Variants in CSMD2 observed in about 807,000 individuals in gnomAD.
The protein encoded by CSMD2 is CUB and Sushi multiple domains 2.
A neutral mutation model predicts 398.5 loss-of-function variants in CSMD2; 130 were observed. That is an observed-to-expected ratio of 0.33 (90% CI 0.28 to 0.38). The LOEUF (loss-of-function observed/expected upper bound fraction) is 0.38. CSMD2 is among the 10% of genes least tolerant of loss of function. The pLI is 1.00. For missense variants in CSMD2, 3,829 were observed against 4,764.9 expected (o/e 0.80, Z 5.78); for synonymous variants, 1,828 against 1,908.5 (o/e 0.96, Z 1.10).
rs151250469 is a variant in CSMD2 at position 33,537,562 on chromosome 1, C to T, written c.9679G>A (p.Asp3227Asn). Residue 3227 changes from aspartate to asparagine, a missense_variant, in exon 61 of 71, where the codon GAC (aspartate) becomes AAC (asparagine). Transcript: ENST00000373381. This position sits in a 1 kb window ranked among gnomAD's most constrained non-coding sequence, Gnocchi z 4.6. ...GATGACCTGTAGGAGAAGCCTCGGT[C>T]CTCTCTCCTCCCACGGGACGGGACA... ...PGVPSRGRRE[D>N]RGFSYRSSVS... is the part of the protein sequence containing the mutation. 7.9e-5 allele frequency: 127 copies of T among 1,614,038 alleles called. No homozygotes were observed. The highest frequency in any genetic ancestry group is 1.0e-4 in the Non-Finnish European group (119 of 1,180,024).
intron 4 of CSMD2, among the ~76,000 whole-genome samples, chr1:33,918,938 C>T (rs1455572710): frequency 6.6e-6 from 1 of 152,266 alleles, no homozygotes; most frequent in East Asian, 1.9e-4. Context: ...TGGGTAGATG[C>T]TAATGCTAGA....
rs762781307 is a variant in CSMD2 at position 33,724,525 on chromosome 1, T to C, written c.2875A>G (p.Ser959Gly). The C allele has an allele frequency of 1.2e-6, 2 of 1,613,774 alleles. No individual in the cohort carries two copies. Among genetic ancestry groups the C allele is most frequent in the Non-Finnish European group, 8.5e-7 (1 of 1,179,808 alleles). Reference protein sequence around the residue: ...PNFQWSRALPSCEALCGGFIQ... With the variant: ...PNFQWSRALPGCEALCGGFIQ... Reference sequence around the variant, plus strand: ...TCATGGTGTCCCTCACCTTCACAACTGGGCAGGGCCCGGCTCCACTGGAAG... The same window carrying C: ...TCATGGTGTCCCTCACCTTCACAACCGGGCAGGGCCCGGCTCCACTGGAAG... Residue 959 changes from serine to glycine, a missense_variant, in exon 18 of 71, where the codon AGT (serine) becomes GGT (glycine). Transcript: ENST00000373381.
chr1:34,156,795 C>T (rs1396446266), intron 1 of CSMD2, among the ~76,000 whole-genome samples: 1 of 152,064 alleles, frequency 6.6e-6, no homozygotes, highest in East Asian at 1.9e-4. Context: ...ATAAAAGTTC[C>T]TTATAATAAT....
chr1:33,873,050 TG>T (rs143277067), intron 5 of CSMD2, among the ~76,000 whole-genome samples: 3,458 of 152,258 alleles, frequency 0.023, 146 homozygotes, highest in African/African-American at 0.079. Context: ...GTTGGGCATA[TG>T]GGGGGCAGAT....
intron 29 of CSMD2, among the ~76,000 whole-genome samples, chr1:33,641,613 C>G (rs2148932123): frequency 6.6e-6 from 1 of 152,340 alleles, no homozygotes; most frequent in East Asian, 1.9e-4. Context: ...TAGAAATCCA[C>G]AGATGACATG....
intron 29 of CSMD2, among the ~76,000 whole-genome samples, chr1:33,644,612 A>G (rs534402010): frequency 1.3e-5 from 2 of 152,240 alleles, no homozygotes; most frequent in African/African-American, 4.8e-5. Context: ...CAGTTTTGCA[A>G]GGTTTATGCA....
At chr1:34,002,223 A>G (rs1203400942) in intron 3 of CSMD2, among the ~76,000 whole-genome samples, 3 of 152,212 alleles carry the variant, frequency 2.0e-5, no homozygotes, top group Non-Finnish European at 4.4e-5. Context: ...CTACTTCTGG[A>G]ATGTTGAATT....
intron 2 of CSMD2, among the ~76,000 whole-genome samples, chr1:34,049,412 C>T (rs562894686): frequency 6.6e-6 from 1 of 152,300 alleles, no homozygotes; most frequent in South Asian, 2.1e-4. Flanking sequence ...GAGCACCATT[C>T]ATATTACGGT....
At chr1:33,775,569 C>A (rs1651864583) in intron 12 of CSMD2, among the ~76,000 whole-genome samples, 1 of 152,156 alleles carries the variant, frequency 6.6e-6, no homozygotes, top group African/African-American at 2.4e-5. Context: ...AACTAAGTGC[C>A]TGGCCTGAGC....
In CSMD2 at chr1:33,537,160, C is replaced by A. The variant is rs1655877524; in HGVS notation, c.9806-65G>T. The A allele has an allele frequency of 1.3e-6, 2 of 1,557,886 alleles. No homozygotes were observed. Among genetic ancestry groups the A allele is most frequent in the Middle Eastern group, 1.7e-4 (1 of 5,802 alleles). On this transcript the variant is annotated intron_variant, in intron 61 of 70. Coordinates refer to ENST00000373381, the MANE Select transcript of CSMD2 (RefSeq NM_001281956.2). The surrounding 1 kb of genome is among the most constrained non-coding windows in gnomAD (Gnocchi z 4.6). The stretch of plus-strand genomic sequence containing the variant: ...GAAGCCTTCACGGCCTCATCTCACT[C>A]TGGGAAATAGGTGTAGAAAAGAAAA...
At chr1:33,569,307 C>A in intron 52 of CSMD2, 67 bp downstream of exon 52, 1 of 1,488,694 alleles carries the variant, frequency 6.7e-7, no homozygotes. Flanking sequence ...TGGATCTCAG[C>A]TTTGGAAAGA....
At chr1:34,135,673 T>C (rs1638674029) in intron 1 of CSMD2, among the ~76,000 whole-genome samples, 1 of 142,494 alleles carries the variant, frequency 7.0e-6, no homozygotes, top group African/African-American at 2.6e-5. Flanking sequence ...CAGTAACTTA[T>C]GAAATATCAT....
chr1:33,624,745 C>T lies in CSMD2; in HGVS notation c.5501-102G>A. On this transcript the variant is annotated intron_variant, in intron 34 of 70. Transcript: ENST00000373381. The surrounding 1 kb of genome is among the most constrained non-coding windows in gnomAD (Gnocchi z 4.7). ...GCCCCCAGCCTCTGTTTGTCCTCCT[C>T]CCCATGGGGGTGTCTCCCTAATGTC... The T allele has an allele frequency of 6.9e-7, 1 of 1,455,480 alleles. No homozygotes were observed. The highest frequency in any genetic ancestry group is 1.3e-5 in the South Asian group (1 of 77,060). 90.2% of individuals were successfully genotyped at this position (1,455,480 alleles called of 1,614,324 possible).
intron 19 of CSMD2, among the ~76,000 whole-genome samples, chr1:33,719,158 T>C (rs1028665568): frequency 6.6e-6 from 1 of 152,216 alleles, no homozygotes; most frequent in Admixed American, 6.5e-5. Flanking sequence ...TGTGGGTGCA[T>C]GTGCCCACGT....
intron 2 of CSMD2, among the ~76,000 whole-genome samples, chr1:34,063,213 C>G (rs1480007944): frequency 6.6e-6 from 1 of 152,092 alleles, no homozygotes; most frequent in Non-Finnish European, 1.5e-5. Context: ...CAACCCTGGC[C>G]CCTCCAAATC....
chr1:33,807,576 T>C (rs959286775), intron 10 of CSMD2, among the ~76,000 whole-genome samples: 2 of 152,090 alleles, frequency 1.3e-5, no homozygotes, highest in Non-Finnish European at 2.9e-5. Flanking sequence ...AAGTGGACAG[T>C]GGCTTTATCA....
rs374986394 is a variant in CSMD2, at chr1:34,009,746, C to G, written c.517+22848G>C. 1.1e-4 allele frequency among the ~76,000 whole-genome samples: 17 copies of G among 152,220 alleles called. No homozygotes were observed. The East Asian group carries it at 3.3e-3, about 29-fold the overall frequency. On this transcript the variant is annotated intron_variant, in intron 3 of 70. Transcript: ENST00000373381. ...CTGCTGACTTCTTGGACATTCTGCA[C>G]ATTCCTTTGCCTTATTGCTTCCTCC... is the stretch of plus-strand genomic sequence containing the variant.
At chr1:33,937,836 C>T (rs1644526862) in intron 3 of CSMD2, among the ~76,000 whole-genome samples, 1 of 152,218 alleles carries the variant, frequency 6.6e-6, no homozygotes, top group South Asian at 2.1e-4. Context: ...GCATGCCTGG[C>T]ACAACGCCCA....
rs1299445542 is a variant in CSMD2, at chr1:33,577,490, C to T, written c.7388-6G>A. ...GGGCAGGCTGCAGTAAGGGGCTGAA[C>T]AACAAGATGAGGTTCAGGGAACTGG... On this transcript the variant is annotated splice_polypyrimidine_tract_variant and splice_region_variant and intron_variant, in intron 48 of 70. Coordinates refer to ENST00000373381, the MANE Select transcript of CSMD2 (RefSeq NM_001281956.2). The T allele has an allele frequency of 1.2e-6, 2 of 1,601,652 alleles. No homozygotes were observed. The highest frequency in any genetic ancestry group is 1.3e-5 in the African/African-American group (1 of 74,700).
Sources: gnomAD v4.1 joint callset for allele counts (sites outside exome capture counted in the v4.1 genomes callset) on GRCh38, gnomAD v4.1.1 for gene constraint, Gnocchi (gnomAD v3.1) non-coding constraint, MANE v1.5 for transcripts, NCBI Gene and HGNC (gene_info 2026-07-23, HGNC 2026-07-21) for gene names.